The following TMTC1 variants were observed in gnomAD, a reference collection of about 807,000 sequenced individuals.
TMTC1 encodes the protein transmembrane O-mannosyltransferase targeting cadherins 1.
A neutral mutation model predicts 104.8 loss-of-function variants in TMTC1; 73 were observed. That is an observed-to-expected ratio of 0.70 (90% CI 0.58 to 0.85). The LOEUF is 0.85. TMTC1 is among the 40% of genes least tolerant of loss of function. TMTC1 has a pLI of 0.00. For synonymous variants in TMTC1, 434 were observed against 428.7 expected, an observed-to-expected ratio of 1.01 and a Z score of -0.15; for missense variants, 1,035 against 1,096.1, an observed-to-expected ratio of 0.94 and a Z score of 0.79.
chr12:29,613,949 C>T (rs1472504402), intron 6 of TMTC1: 7 of 981,368 alleles, frequency 7.1e-6, no homozygotes, highest in Non-Finnish European at 8.5e-6. Flanking sequence ...AATTGTCATA[C>T]AGAAGACAGT....
At chr12:29,728,669 A>G (rs748052763) in intron 5 of TMTC1, among the ~76,000 whole-genome samples, 1 of 152,010 alleles carries the variant, frequency 6.6e-6, no homozygotes, top group Non-Finnish European at 1.5e-5. Context: ...TTGAAACAAC[A>G]TCCCCAGAAA....
At chr12:29,593,524 A>T (rs560769652) in intron 7 of TMTC1, among the ~76,000 whole-genome samples, 1 of 152,336 alleles carries the variant, frequency 6.6e-6, no homozygotes, top group East Asian at 1.9e-4. Flanking sequence ...AAAAGGTTTG[A>T]TTCAAACATC....
At chr12:29,548,811 AGGT>A (rs771629319) in intron 10 of TMTC1, among the ~76,000 whole-genome samples, 77,301 of 142,804 alleles carry the variant, frequency 0.54, 23,669 homozygotes, top group Non-Finnish European at 0.67. Context: ...ATAAGTATAA[AGGT>A]TATATATTGC....
At chr12:29,587,420 A>G (rs934177815) in intron 7 of TMTC1, among the ~76,000 whole-genome samples, 2 of 151,694 alleles carry the variant, frequency 1.3e-5, no homozygotes, top group Admixed American at 6.6e-5. Flanking sequence ...TGCAGCCTCA[A>G]CCTCCTGGGC....
In TMTC1 at chr12:29,691,108, T is replaced by C. The variant is rs1416231902; in HGVS notation, c.939-57772A>G. Reference sequence around the variant, plus strand: ...TAGGACTAACAGATCAGCTACAAGATTAGAAATTATGGTTTAGGAGTCATG... The same window carrying C: ...TAGGACTAACAGATCAGCTACAAGACTAGAAATTATGGTTTAGGAGTCATG... On this transcript the variant is annotated intron_variant, in intron 5 of 17. Transcript: ENST00000539277. Among the ~76,000 whole-genome samples, 3 of 152,196 alleles carry C rather than the reference T, an allele frequency of 2.0e-5. No individual in the cohort carries two copies. In the East Asian group the frequency reaches 5.8e-4, roughly 29 times the overall value.
At chr12:29,565,517 C>CT (rs1945487261) in intron 9 of TMTC1, among the ~76,000 whole-genome samples, 1 of 152,174 alleles carries the variant, frequency 6.6e-6, no homozygotes, top group Non-Finnish European at 1.5e-5. Context: ...CCTCAGTTAC[C>CT]TTTTAAAACA....
At chr12:29,760,904 ATATAT>A (rs1048338060) in intron 2 of TMTC1, among the ~76,000 whole-genome samples, 17 of 148,228 alleles carry the variant, frequency 1.1e-4, no homozygotes, top group South Asian at 2.1e-4. Flanking sequence ...TATGATATGC[ATATAT>A]TATATTTTCT....
At position 29,505,898 on chromosome 12, in the gene TMTC1, T is replaced by A. The variant is rs1006783713; in HGVS notation, c.*948A>T. 3.3e-5 allele frequency: 5 copies of A among 152,066 alleles called. No homozygotes were observed. The highest frequency in any genetic ancestry group is 1.2e-4 in the African/African-American group (5 of 41,432). The allele number at this position is 152,066 out of a possible 1,614,324, so 9.4% of individuals were successfully genotyped here. ...AGATTTCTGTGATACATCATAAAGG[T>A]TCCTCAATGGTTCAATATATTTTTC... is the stretch of plus-strand genomic sequence containing the variant. On this transcript the variant is annotated 3_prime_UTR_variant, in exon 18 of 18. Transcript: ENST00000539277.
intron 1 of TMTC1, among the ~76,000 whole-genome samples, chr12:29,774,265 C>T (rs302320): frequency 0.88 from 134,244 of 152,028 alleles, 60,577 homozygotes; most frequent in East Asian, 0.99. Context: ...CAGATCTAAA[C>T]TAGGGCCCAG....
chr12:29,770,630 C>T (rs189128374), intron 1 of TMTC1, among the ~76,000 whole-genome samples: 5 of 152,108 alleles, frequency 3.3e-5, no homozygotes, highest in Non-Finnish European at 5.9e-5. Flanking sequence ...TGAGGAGTCC[C>T]CGCAGTAATG....
At chr12:29,567,938 G>A (rs1395332863) in intron 9 of TMTC1, among the ~76,000 whole-genome samples, 1 of 152,148 alleles carries the variant, frequency 6.6e-6, no homozygotes, top group Non-Finnish European at 1.5e-5. Flanking sequence ...ATTAAACATG[G>A]TTAGATTTCT....
intron 6 of TMTC1, among the ~76,000 whole-genome samples, chr12:29,628,116 T>C (rs1938098038): frequency 6.6e-6 from 1 of 152,252 alleles, no homozygotes; most frequent in African/African-American, 2.4e-5. Context: ...TCTTTGACTC[T>C]TTAATTCTTT....
chr12:29,520,231 T>C (rs1944109386), intron 12 of TMTC1, among the ~76,000 whole-genome samples: 1 of 152,228 alleles, frequency 6.6e-6, no homozygotes, highest in South Asian at 2.1e-4. Flanking sequence ...TTTTAAAAAA[T>C]ATGTTATAGA....
rs996776773 is a variant in TMTC1 at position 29,563,931 on chromosome 12, C to T, written c.1533-6931G>A. ...CTGGAGCTGACAGGAGCATACAGGA[C>T]GAGGGCAAATGAGAGGCGCCTGAGA... is the stretch of plus-strand genomic sequence containing the variant. On this transcript the variant is annotated intron_variant, in intron 9 of 17. Transcript: ENST00000539277. Among the ~76,000 whole-genome samples the T allele has an allele frequency of 1.5e-4, 23 of 152,024 alleles. No individual in the cohort carries two copies. In the East Asian group the frequency reaches 4.1e-3, roughly 27 times the overall value.
chr12:29,644,145 G>GTA (rs1272178344), intron 5 of TMTC1, among the ~76,000 whole-genome samples: 6 of 76,918 alleles, frequency 7.8e-5, no homozygotes, highest in African/African-American at 3.7e-4. Context: ...GTGTGTGTGT[G>GTA]TGTGTATATA....
At chr12:29,706,984 A>G (rs1941763668) in intron 5 of TMTC1, among the ~76,000 whole-genome samples, 1 of 152,204 alleles carries the variant, frequency 6.6e-6, no homozygotes, top group South Asian at 2.1e-4. Flanking sequence ...TAGGTGGAAA[A>G]CAGAAGAAAG....
chr12:29,696,511 CAG>C (rs796581989), intron 5 of TMTC1, among the ~76,000 whole-genome samples: 5 of 152,146 alleles, frequency 3.3e-5, no homozygotes, highest in African/African-American at 7.2e-5. Context: ...TACTGAGAAA[CAG>C]AGGAAAATTA....
At position 29,768,025 on chromosome 12, in the gene TMTC1, T is replaced by C. The variant is rs780997701; in HGVS notation, c.353A>G (p.Asn118Ser). 6.2e-7 allele frequency: 1 copy of C among 1,613,532 alleles called. No homozygotes were observed. The highest frequency in any genetic ancestry group is 1.3e-5 in the African/African-American group (1 of 74,890). The change falls in exon 2 of 18, where the codon AAT (asparagine) becomes AGT (serine). Residue 118 changes from asparagine to serine, a missense_variant. Transcript: ENST00000539277. ...GMNPFYFHAV[N>S]IILHCLVTLV... ...AGTCACTAAGCAGTGTAAAATTATA[T>C]TTACTGCATGAAAGTAGAATGGGTT...
At chr12:29,763,679 AG>A (rs774434402) in intron 2 of TMTC1, among the ~76,000 whole-genome samples, 4 of 152,262 alleles carry the variant, frequency 2.6e-5, no homozygotes, top group Non-Finnish European at 5.9e-5. Context: ...TGTAGGATCT[AG>A]GAAGGCTTCA....
Sources: allele counts gnomAD v4.1 joint callset (sites outside exome capture counted in the v4.1 genomes callset), GRCh38; gene constraint gnomAD v4.1.1; transcripts MANE v1.5; gene names NCBI Gene and HGNC (gene_info 2026-07-23, HGNC 2026-07-21).